PLCB4: variants seen among roughly 807,000 people sequenced by gnomAD.
PLCB4 encodes 1-phosphatidylinositol 4,5-bisphosphate phosphodiesterase beta-4.
PLCB4 carries 77 observed loss-of-function variants against 178.8 expected under a neutral mutation model. The ratio of observed to expected loss-of-function variants is 0.43; its 90% CI spans 0.36 to 0.52. The LOEUF (loss-of-function observed/expected upper bound fraction) is 0.52. Ranked by LOEUF, PLCB4 falls within the 20% of genes least tolerant of loss-of-function variation. The probability of loss-of-function intolerance (pLI) is 0.00; values close to 1 mark genes in which losing one functional copy is unlikely to be tolerated. For synonymous variants in PLCB4, 496 were observed against 490.8 expected (o/e 1.01, Z -0.14); for missense variants, 1,024 against 1,453.4 (o/e 0.70, Z 4.80).
chr20:9,238,345 G>C (rs2094016706), intron 3 of PLCB4, among the ~76,000 whole-genome samples: 1 of 152,192 alleles, frequency 6.6e-6, no homozygotes, highest in Admixed American at 6.5e-5. Context: ...TGAGGTTACT[G>C]CCTGGTCAGT....
At chr20:9,242,406 C>T (rs1380633127) in intron 3 of PLCB4, among the ~76,000 whole-genome samples, 1 of 152,216 alleles carries the variant, frequency 6.6e-6, no homozygotes, top group Non-Finnish European at 1.5e-5. Context: ...GGGGCAAGTT[C>T]CTTCAGGGCA....
chr20:9,474,034 T>G (rs1389278348), intron 38 of PLCB4, among the ~76,000 whole-genome samples: 1 of 152,032 alleles, frequency 6.6e-6, no homozygotes, highest in Admixed American at 6.5e-5. Context: ...CTGGCCAACA[T>G]GGTGAAGCCC....
chr20:9,319,822 A>G (rs901316154), intron 4 of PLCB4, among the ~76,000 whole-genome samples: 1 of 152,204 alleles, frequency 6.6e-6, no homozygotes, highest in African/African-American at 2.4e-5. Context: ...CACACCCGGA[A>G]GTAATATTTC....
At chr20:9,307,097 G>A (rs1448553996) in intron 3 of PLCB4, among the ~76,000 whole-genome samples, 12 of 152,116 alleles carry the variant, frequency 7.9e-5, no homozygotes, top group Middle Eastern at 3.2e-3. Context: ...CACACAGAAG[G>A]AGGAGGGGCC....
intron 20 of PLCB4, among the ~76,000 whole-genome samples, chr20:9,402,951 T>C (rs1030510876): frequency 1.1e-4 from 16 of 152,192 alleles, no homozygotes; most frequent in African/African-American, 3.9e-4. Context: ...CTGGGTTCAT[T>C]TCCTAACTGT....
At chr20:9,165,474 A>C (rs931468257) in intron 2 of PLCB4, among the ~76,000 whole-genome samples, 2 of 152,132 alleles carry the variant, frequency 1.3e-5, no homozygotes, top group Non-Finnish European at 1.5e-5. Context: ...TGAAATCTGG[A>C]GTTTTTGGCA....
chr20:9,426,192 AG>A (rs2040994728), intron 28 of PLCB4, among the ~76,000 whole-genome samples: 1 of 152,214 alleles, frequency 6.6e-6, no homozygotes, highest in Non-Finnish European at 1.5e-5. Context: ...AGCTAAAGAA[AG>A]ATAGTGTGGA....
intron 2 of PLCB4, among the ~76,000 whole-genome samples, chr20:9,116,296 TTATG>T (rs772643583): frequency 2.6e-5 from 4 of 152,118 alleles, no homozygotes; most frequent in Non-Finnish European, 5.9e-5. Flanking sequence ...TCTTTTCTGT[TTATG>T]TTTTTATACT....
At chr20:9,100,165 G>C (rs192844797) in intron 2 of PLCB4, among the ~76,000 whole-genome samples, 2 of 152,254 alleles carry the variant, frequency 1.3e-5, no homozygotes, top group East Asian at 3.9e-4. Context: ...CACTGGTGCG[G>C]GCAGGAGGAC....
intron 2 of PLCB4, among the ~76,000 whole-genome samples, chr20:9,202,249 G>A (rs1376822409): frequency 2.0e-5 from 3 of 152,156 alleles, no homozygotes; most frequent in South Asian, 4.1e-4. Flanking sequence ...CAAAGGGGCA[G>A]CCTGAGGGAG....
At chr20:9,469,218 T>C (rs747887309) in intron 36 of PLCB4, among the ~76,000 whole-genome samples, 3 of 152,200 alleles carry the variant, frequency 2.0e-5, no homozygotes, top group Non-Finnish European at 4.4e-5. Flanking sequence ...TGACCTCAAG[T>C]GATCTGCCCG....
intron 1 of PLCB4, among the ~76,000 whole-genome samples, chr20:9,073,711 A>G (rs1376782817): frequency 1.3e-5 from 2 of 151,974 alleles, no homozygotes; most frequent in African/African-American, 4.8e-5. Flanking sequence ...CAGTAAGATC[A>G]ATTTATGCAA....
intron 3 of PLCB4, among the ~76,000 whole-genome samples, chr20:9,287,035 G>T (rs1283525213): frequency 6.6e-6 from 1 of 151,838 alleles, no homozygotes; most frequent in Non-Finnish European, 1.5e-5. Context: ...TTGTTTGTTT[G>T]TTTTTTCCTC....
intron 2 of PLCB4, among the ~76,000 whole-genome samples, chr20:9,113,984 G>A (rs1194731129): frequency 2.0e-5 from 3 of 151,938 alleles, no homozygotes; most frequent in African/African-American, 7.3e-5. Context: ...GAGGCTGAGG[G>A]GGGCGGATCA....
intron 2 of PLCB4, among the ~76,000 whole-genome samples, chr20:9,154,878 T>TCCCTC (rs2092756278): frequency 7.6e-6 from 1 of 131,038 alleles, no homozygotes; most frequent in Admixed American, 7.8e-5. Flanking sequence ...CTTCCTTCCT[T>TCCCTC]CTTTCCTTCC....
At chr20:9,191,345 ATTTTTTTTTTTTTT>A (rs71184136) in intron 2 of PLCB4, among the ~76,000 whole-genome samples, 11 of 58,858 alleles carry the variant, frequency 1.9e-4, no homozygotes, top group Admixed American at 1.8e-3. Flanking sequence ...CTAGATAGGC[ATTTTTTTTTTTTTT>A]TTTTTTTTTT....
At chr20:9,328,609 C>T (rs925500038) in intron 4 of PLCB4, among the ~76,000 whole-genome samples, 4 of 152,338 alleles carry the variant, frequency 2.6e-5, no homozygotes, top group Non-Finnish European at 4.4e-5. Context: ...GAGCCGACTG[C>T]TGAGCAGTTA....
At chr20:9,238,893 T>G (rs1346078309) in intron 3 of PLCB4, among the ~76,000 whole-genome samples, 1 of 152,198 alleles carries the variant, frequency 6.6e-6, no homozygotes, top group South Asian at 2.1e-4. Context: ...AATTCCTGCA[T>G]CTCCACTTAA....
intron 10 of PLCB4, 112 bp from the exon 11 acceptor site, chr20:9,372,191 G>T: frequency 1.6e-6 from 1 of 632,892 alleles, no homozygotes; most frequent in Non-Finnish European, 2.8e-6. Flanking sequence ...AGGAATCAGA[G>T]ATGAAGACCC....
Sources: allele counts gnomAD v4.1 joint callset (sites outside exome capture counted in the v4.1 genomes callset), GRCh38; gene constraint gnomAD v4.1.1; transcripts MANE v1.5; gene names NCBI Gene and HGNC (gene_info 2026-07-23, HGNC 2026-07-21).